SCAPER: variants seen among roughly 807,000 people sequenced by gnomAD.
SCAPER encodes S-phase cyclin A associated protein in the ER.
Under a neutral mutation model 182.2 loss-of-function variants are expected in SCAPER, and 98 were observed. The ratio of observed to expected loss-of-function variants is 0.54; its 90% confidence interval spans 0.46 to 0.64. SCAPER has a LOEUF of 0.64. Among genes scored for constraint, SCAPER ranks in the 30% least tolerant of loss-of-function variants. The pLI is 0.00. For missense variants in SCAPER, 1,432 were observed against 1,690.0 expected, an observed-to-expected ratio of 0.85 and a Z score of 2.68; for synonymous variants, 605 against 564.6, an observed-to-expected ratio of 1.07 and a Z score of -1.01.
intron 26 of SCAPER, among the ~76,000 whole-genome samples, chr15:76,432,523 G>C (rs2046936341): frequency 6.6e-6 from 1 of 152,222 alleles, no homozygotes. Context: ...CCAACCATAA[G>C]CTTCAGAGAG....
chr15:76,578,810 T>C (rs2048044585), intron 22 of SCAPER, among the ~76,000 whole-genome samples: 1 of 152,128 alleles, frequency 6.6e-6, no homozygotes, highest in Non-Finnish European at 1.5e-5. Flanking sequence ...CTTCAATCCC[T>C]AGACACCTAC....
chr15:76,395,050 T>A (rs2043960400), intron 27 of SCAPER, among the ~76,000 whole-genome samples: 1 of 141,660 alleles, frequency 7.1e-6, no homozygotes, highest in South Asian at 2.6e-4. Context: ...TCCATCTCCA[T>A]GAGTTTGTTT....
rs1305636383 is a variant in SCAPER at position 76,603,951 on chromosome 15, A to T, written c.2711+17813T>A. ...CCTTTGTCAGATGAGTAGGTTGCAA[A>T]AATCTTCTCCCATTCTGTAGGTTGC... On this transcript the variant is annotated intron_variant, in intron 22 of 31. Transcript: ENST00000563290. 3.3e-5 allele frequency among the ~76,000 whole-genome samples: 4 copies of T among 121,244 alleles called. 2 individuals are homozygous for T. The highest frequency in any genetic ancestry group is 8.0e-5 in the Non-Finnish European group (4 of 49,900). 79.5% of individuals were successfully genotyped at this position (121,244 alleles called of 152,430 possible).
chr15:76,839,188 T>C (rs74833510), intron 5 of SCAPER, among the ~76,000 whole-genome samples: 2,202 of 152,354 alleles, frequency 0.014, 56 homozygotes, highest in African/African-American at 0.051. Context: ...TTTCACATCA[T>C]GCTATACTTA....
intron 22 of SCAPER, chr15:76,586,785 T>A (rs1277349300): frequency 6.6e-6 from 1 of 152,278 alleles, no homozygotes; most frequent in Non-Finnish European, 1.5e-5. Context: ...TGTTCTTTCC[T>A]GGTTTTGGTA....
chr15:76,903,603 G>C (rs977256349), intron 1 of SCAPER, among the ~76,000 whole-genome samples: 8 of 152,156 alleles, frequency 5.3e-5, no homozygotes, highest in African/African-American at 1.9e-4. Context: ...CAGACATCTT[G>C]ATCTAGGACT....
At chr15:76,787,121 T>A (rs1287619570) in intron 8 of SCAPER, among the ~76,000 whole-genome samples, 1 of 152,158 alleles carries the variant, frequency 6.6e-6, no homozygotes, top group East Asian at 1.9e-4. Flanking sequence ...GTAACATTTT[T>A]GATGTAAATA....
chr15:76,741,065 C>T (rs2061513656), intron 15 of SCAPER, among the ~76,000 whole-genome samples: 1 of 152,072 alleles, frequency 6.6e-6, no homozygotes, highest in African/African-American at 2.4e-5. Context: ...TTGTGATTAA[C>T]ACGATAAACT....
At chr15:76,415,390 C>T (rs1451736796) in intron 26 of SCAPER, among the ~76,000 whole-genome samples, 1 of 151,958 alleles carries the variant, frequency 6.6e-6, no homozygotes, top group Admixed American at 6.6e-5. Flanking sequence ...AAACTCTGTA[C>T]AAGTACAGAA....
intron 9 of SCAPER, among the ~76,000 whole-genome samples, chr15:76,772,815 A>T (rs1365930483): frequency 6.6e-6 from 1 of 151,900 alleles, no homozygotes; most frequent in Non-Finnish European, 1.5e-5. Context: ...ATGATACTCT[A>T]AGTCAAAGAA....
At chr15:76,485,236 G>A (rs283789) in intron 24 of SCAPER, among the ~76,000 whole-genome samples, 95,614 of 151,882 alleles carry the variant, frequency 0.63, 30,412 homozygotes, top group Middle Eastern at 0.7. Flanking sequence ...AAATATCACC[G>A]ACAACAGTCA....
intron 22 of SCAPER, among the ~76,000 whole-genome samples, chr15:76,609,765 A>G (rs1221151019): frequency 6.6e-6 from 1 of 152,234 alleles, no homozygotes; most frequent in Non-Finnish European, 1.5e-5. Context: ...ATCAGCCTTT[A>G]GTAAAATCAT....
chr15:76,535,976 C>A (rs939222507), intron 23 of SCAPER, among the ~76,000 whole-genome samples: 1 of 152,156 alleles, frequency 6.6e-6, no homozygotes, highest in African/African-American at 2.4e-5. Flanking sequence ...TAAATTTTAA[C>A]ATTCTATGGT....
At chr15:76,537,297 A>C (rs1385753856) in intron 23 of SCAPER, among the ~76,000 whole-genome samples, 1 of 151,924 alleles carries the variant, frequency 6.6e-6, no homozygotes, top group Admixed American at 6.6e-5. Context: ...TGGAGGCATC[A>C]CGCTACCTGA....
intron 27 of SCAPER, among the ~76,000 whole-genome samples, chr15:76,398,715 A>G (rs2044250909): frequency 6.6e-6 from 1 of 152,204 alleles, no homozygotes; most frequent in African/African-American, 2.4e-5. Context: ...GAAAAACACA[A>G]ATATATATAA....
intron 27 of SCAPER, 99 bp downstream of exon 27, chr15:76,404,425 G>C: frequency 1.7e-6 from 2 of 1,201,844 alleles, no homozygotes; most frequent in Non-Finnish European, 2.3e-6. Context: ...AGATGGCCAA[G>C]ATGACCACTT....
At chr15:76,665,896 T>C in intron 20 of SCAPER, 107 bp from the exon 21 acceptor site, 1 of 916,548 alleles carries the variant, frequency 1.1e-6, no homozygotes, top group East Asian at 2.8e-5. Flanking sequence ...AAACTAAAAG[T>C]AATCTCCGTA....
At chr15:76,640,441 T>C (rs1260818563) in intron 21 of SCAPER, among the ~76,000 whole-genome samples, 1 of 152,206 alleles carries the variant, frequency 6.6e-6, no homozygotes, top group Non-Finnish European at 1.5e-5. Flanking sequence ...ATAAGCAAGC[T>C]AAAAGAACAG....
chr15:76,899,600 G>A (rs1338412938), intron 1 of SCAPER, among the ~76,000 whole-genome samples: 1 of 152,210 alleles, frequency 6.6e-6, no homozygotes, highest in Non-Finnish European at 1.5e-5. Context: ...TAGGAAGTGA[G>A]CAGTGTCTCT....
Sources: allele counts gnomAD v4.1 joint callset (sites outside exome capture counted in the v4.1 genomes callset), GRCh38; gene constraint gnomAD v4.1.1; transcripts MANE v1.5; gene names NCBI Gene and HGNC (gene_info 2026-07-23, HGNC 2026-07-21).